The following CPEB1 variants were observed in gnomAD, a reference collection of about 807,000 sequenced individuals.
The protein encoded by CPEB1 is cytoplasmic polyadenylation element-binding protein 1.
Under a neutral mutation model 65.8 loss-of-function variants are expected in CPEB1, and 7 were observed. The ratio of observed to expected loss-of-function variants is 0.11; its 90% CI spans 0.06 to 0.20. The LOEUF is 0.20. CPEB1 is among the 10% of genes least tolerant of loss of function. The pLI, the probability that CPEB1 is intolerant of heterozygous loss-of-function variation, is 1.00. For synonymous variants in CPEB1, 262 were observed against 260.0 expected (o/e 1.01, Z -0.08); for missense variants, 551 against 712.2 (o/e 0.77, Z 2.58).
rs372219971 is a variant in CPEB1 at position 82,557,772 on chromosome 15, G to A, written c.675C>T (p.Leu225=). ...TSGFSSGSDH[L]SDLISSLRIS... ...ATGAGTTACATACAATCAAATCTGAGAGATGATCTGATCCAGAGCTGAAGC... is the reference window on the plus strand; with the variant it reads ...ATGAGTTACATACAATCAAATCTGAAAGATGATCTGATCCAGAGCTGAAGC... Residue 225 remains leucine, a synonymous_variant, in exon 5 of 13, where the codon CTC becomes CTT. Transcript: ENST00000684509. The A allele has an allele frequency of 1.2e-6, 2 of 1,613,692 alleles. No homozygotes were observed. The highest frequency in any genetic ancestry group is 1.1e-5 in the South Asian group (1 of 91,060).
intron 3 of CPEB1, among the ~76,000 whole-genome samples, chr15:82,621,782 ATGTG>A (rs983296049): frequency 1.3e-5 from 2 of 152,178 alleles, no homozygotes; most frequent in African/African-American, 2.4e-5. Context: ...ACTTTCCTGT[ATGTG>A]TATTATATTT....
At chr15:82,638,408 C>A (rs1009142498) in intron 1 of CPEB1, among the ~76,000 whole-genome samples, 1 of 152,160 alleles carries the variant, frequency 6.6e-6, no homozygotes, top group Non-Finnish European at 1.5e-5. Flanking sequence ...AATAGTACCA[C>A]CAATCTCACC....
chr15:82,550,834 C>T (rs1292331201), intron 9 of CPEB1, among the ~76,000 whole-genome samples: 3 of 151,856 alleles, frequency 2.0e-5, no homozygotes, highest in African/African-American at 7.3e-5. Context: ...GGGAGAGGAA[C>T]ACAAAGGAAA....
chr15:82,612,811 G>T (rs1181201668), intron 3 of CPEB1, among the ~76,000 whole-genome samples: 1 of 151,704 alleles, frequency 6.6e-6, no homozygotes, highest in African/African-American at 2.4e-5. Flanking sequence ...TCCAGCCTGG[G>T]CAACATAGTG....
chr15:82,544,771 A>G, intron 12 of CPEB1, 69 bp from the exon 13 acceptor site: 1 of 1,190,192 alleles, frequency 8.4e-7, no homozygotes, highest in East Asian at 2.4e-5. Flanking sequence ...CTGTTGCACG[A>G]GCTGCTTGTT....
chr15:82,624,188 C>T (rs1301074780), intron 3 of CPEB1, among the ~76,000 whole-genome samples: 2 of 152,244 alleles, frequency 1.3e-5, no homozygotes, highest in Non-Finnish European at 2.9e-5. Flanking sequence ...TTTCACCATT[C>T]GAGAATACAG....
intron 3 of CPEB1, among the ~76,000 whole-genome samples, chr15:82,592,028 G>C (rs372111211): frequency 6.6e-6 from 1 of 151,220 alleles, no homozygotes; most frequent in African/African-American, 2.4e-5. Context: ...ATTTTTTGTA[G>C]AGATAGGGTT....
At chr15:82,636,208 G>C (rs1455726083) in intron 1 of CPEB1, among the ~76,000 whole-genome samples, 1 of 152,092 alleles carries the variant, frequency 6.6e-6, no homozygotes, top group African/African-American at 2.4e-5. Flanking sequence ...GAAAATATAT[G>C]ATCTTTATTT....
chr15:82,567,947 T>C (rs1301467465), intron 4 of CPEB1, among the ~76,000 whole-genome samples: 2 of 152,208 alleles, frequency 1.3e-5, no homozygotes, highest in African/African-American at 2.4e-5. Context: ...AAGATGGGGC[T>C]GGAACTGTCT....
rs2034842215 is a variant in CPEB1, at chr15:82,544,656, C to T, written c.1703G>A (p.Ser568Asn). The T allele has an allele frequency of 6.2e-7, 1 of 1,613,304 alleles. No homozygotes were observed. Among genetic ancestry groups the T allele is most frequent in the Non-Finnish European group, 8.5e-7 (1 of 1,179,834 alleles). Reference sequence around the variant, plus strand: ...GCTGTGGTGGCGCAGGCCCTCCATGCTGTGCCGCCAGTGCCAGCAGCTCCG... The same window carrying T: ...GCTGTGGTGGCGCAGGCCCTCCATGTTGTGCCGCCAGTGCCAGCAGCTCCG... ...FCRSCWHWRH[S>N]MEGLRHHSPL... is the part of the protein sequence containing the mutation. Residue 568 changes from serine to asparagine, a missense_variant, in exon 13 of 13, where the codon AGC (serine) becomes AAC (asparagine). By Grantham distance (46) the Ser-to-Asn change is conservative. Transcript: ENST00000684509.
intron 3 of CPEB1, among the ~76,000 whole-genome samples, chr15:82,600,998 G>A (rs765161626): frequency 1.4e-5 from 2 of 140,812 alleles, no homozygotes; most frequent in Non-Finnish European, 3.0e-5. Context: ...TCCACCTCCC[G>A]AGTTCAAGCA....
intron 3 of CPEB1, among the ~76,000 whole-genome samples, chr15:82,574,322 C>T (rs972089541): frequency 4.6e-5 from 7 of 152,182 alleles, no homozygotes; most frequent in African/African-American, 1.7e-4. Flanking sequence ...GACTGACAGA[C>T]CTTGCTCTGC....
At chr15:82,609,861 G>C (rs1384046839) in intron 3 of CPEB1, among the ~76,000 whole-genome samples, 1 of 152,008 alleles carries the variant, frequency 6.6e-6, no homozygotes, top group East Asian at 1.9e-4. Context: ...GGGAGTTTGA[G>C]ATCAGCCCAA....
At chr15:82,599,965 A>G (rs2042966195) in intron 3 of CPEB1, among the ~76,000 whole-genome samples, 1 of 152,214 alleles carries the variant, frequency 6.6e-6, no homozygotes, top group African/African-American at 2.4e-5. Context: ...GAGAAAGTAG[A>G]ATAAATATTT....
intron 1 of CPEB1, among the ~76,000 whole-genome samples, chr15:82,635,097 C>T (rs184900605): frequency 2.6e-4 from 39 of 152,222 alleles, no homozygotes; most frequent in African/African-American, 7.9e-4. Flanking sequence ...TCAGGTGATC[C>T]GCCCGCCTCA....
chr15:82,598,432 T>C (rs1219962318), intron 3 of CPEB1, among the ~76,000 whole-genome samples: 1 of 152,022 alleles, frequency 6.6e-6, no homozygotes, highest in East Asian at 1.9e-4. Flanking sequence ...ACGCAGAGGT[T>C]GCAGTGAGCT....
intron 3 of CPEB1, among the ~76,000 whole-genome samples, chr15:82,594,020 T>C (rs1169979474): frequency 6.6e-6 from 1 of 152,222 alleles, no homozygotes; most frequent in African/African-American, 2.4e-5. Context: ...GCATGTTTCT[T>C]AAGGGCCCTA....
chr15:82,579,329 T>A (rs10468217), intron 3 of CPEB1, among the ~76,000 whole-genome samples: 3 of 151,908 alleles, frequency 2.0e-5, no homozygotes, highest in Non-Finnish European at 4.4e-5. Flanking sequence ...GACATGGTGG[T>A]GTTTGTCTGT....
chr15:82,627,422 T>C (rs1380147587), intron 2 of CPEB1, 55 bp from the exon 3 acceptor site: 1 of 1,348,418 alleles, frequency 7.4e-7, no homozygotes, highest in Non-Finnish European at 1.0e-6. Flanking sequence ...TATGACCCCC[T>C]TTCTCTCCAC....
Sources: allele counts gnomAD v4.1 joint callset (sites outside exome capture counted in the v4.1 genomes callset), GRCh38; gene constraint gnomAD v4.1.1; transcripts MANE v1.5; gene names NCBI Gene and HGNC (gene_info 2026-07-23, HGNC 2026-07-21).